The following MYH3 variants were observed in gnomAD, a reference collection of about 807,000 sequenced individuals.
The protein encoded by MYH3 is myosin heavy chain 3.
A neutral mutation model predicts 238.0 loss-of-function variants in MYH3; 130 were observed. The observed-to-expected ratio is 0.55, with a 90% CI of 0.47 to 0.63. The LOEUF is 0.63. Among genes scored for constraint, MYH3 ranks in the 30% least tolerant of loss-of-function variants. MYH3 has a pLI of 0.00. For missense variants in MYH3, 1,853 were observed against 2,374.9 expected (o/e 0.78, Z 4.57); for synonymous variants, 880 against 924.1 (o/e 0.95, Z 0.86).
rs1048019565 is a variant in MYH3, at chr17:10,635,004, G to A, written c.4192C>T (p.Leu1398Phe). 2 of 1,614,124 alleles carry A rather than the reference G, an allele frequency of 1.2e-6. No individual in the cohort carries two copies. Among genetic ancestry groups the A allele is most frequent in the Middle Eastern group, 1.6e-4 (1 of 6,062 alleles). ...EEAKKKLAQR[L>F]QDSEEQVEAV... ...TCAACCTGTTCCTCGGAATCTTGAAGGCGCTGAGCAAGTTTTTTCCTTAAA... is the reference window on the plus strand; with the variant it reads ...TCAACCTGTTCCTCGGAATCTTGAAAGCGCTGAGCAAGTTTTTTCCTTAAA... The change falls in exon 31 of 41, where the codon CTT becomes TTT. Residue 1398 changes from leucine to phenylalanine, a missense_variant. Physicochemically the swap from Leu to Phe is conservative, Grantham distance 22. This residue lies in a region of MYH3 where 1,044 missense variants were observed against 1,192.6 expected (regional missense o/e 0.88). Transcript: ENST00000583535.
At chr17:10,673,398 C>A in the MYH3 span, 4 of 152,204 alleles carry the variant, frequency 2.6e-5, no homozygotes, top group African/African-American at 4.8e-5. Context: ...TGATCCCGCA[C>A]GTTCCCGACA....
At chr17:10,657,201 C>T (rs1027687936) in intron 1 of MYH3, 88 bp downstream of exon 1, 1 of 152,498 alleles carries the variant, frequency 6.6e-6, no homozygotes, top group Non-Finnish European at 1.5e-5. Context: ...CCAGGCAGGG[C>T]CAGGGAACCA....
At position 10,644,620 on chromosome 17, in the gene MYH3, C is replaced by T; in HGVS notation, c.1224G>A (p.Gly408=). ...TTTGACCTTTGGTAACGTACTCATT[C>T]CCAACTTTCACTCTAGGAAAGCACA... The part of the protein sequence containing the change: ...KALCFPRVKV[G]NEYVTKGQTV... The change falls in exon 13 of 41, where the codon GGG becomes GGA. Residue 408 remains glycine, a synonymous_variant. Coordinates refer to ENST00000583535, the MANE Select transcript of MYH3 (RefSeq NM_002470.4). The T allele has an allele frequency of 6.2e-7, 1 of 1,614,166 alleles. No homozygotes were observed. The highest frequency in any genetic ancestry group is 8.5e-7 in the Non-Finnish European group (1 of 1,180,002).
Position 10,632,785 on chromosome 17 carries a change from C to A in MYH3, c.4648-1G>T, listed in dbSNP as rs1192877498. On this transcript the variant is annotated splice_acceptor_variant, in intron 33 of 40. Transcript: ENST00000583535. LOFTEE classifies it high-confidence loss of function. ...TGGCTTCTTCATGCTCAAGAGCAGC[C>A]TTTAAGAAACAAAAGCAAATCAAAT... 2 of 1,614,198 alleles carry A rather than the reference C, an allele frequency of 1.2e-6. No homozygotes were observed. The highest frequency in any genetic ancestry group is 1.7e-6 in the Non-Finnish European group (2 of 1,180,036).
At chr17:10,652,263 T>G in intron 4 of MYH3, 157 bp downstream of exon 4, 2 of 961,396 alleles carry the variant, frequency 2.1e-6, no homozygotes. Context: ...CACCTCTTGC[T>G]TTCTTGCCTT....
intron 6 of MYH3, among the ~76,000 whole-genome samples, 162 bp from the exon 7 acceptor site, chr17:10,649,847 C>T (rs1039049738): frequency 1.3e-5 from 2 of 152,242 alleles, no homozygotes; most frequent in African/African-American, 4.8e-5. Flanking sequence ...GCCCAGGGCA[C>T]AGGTGCCACA....
the MYH3 span, chr17:10,676,967 C>T: frequency 5.3e-5 from 8 of 152,126 alleles, no homozygotes; most frequent in Non-Finnish European, 8.8e-5. Context: ...TAGAAATAAC[C>T]GTCCATTTTG....
Position 10,654,855 on chromosome 17 carries a change from C to T in MYH3, c.204+6G>A. Reference sequence around the variant, plus strand: ...CCAGCAGCCTGTGGAGGGTACAGAGCCTTACCCTGTTGTCCTCAGTTTCCA... The same window carrying T: ...CCAGCAGCCTGTGGAGGGTACAGAGTCTTACCCTGTTGTCCTCAGTTTCCA... On this transcript the variant is annotated splice_donor_region_variant and intron_variant, in intron 3 of 40. Transcript: ENST00000583535. This position sits in a 1 kb window ranked among gnomAD's most constrained non-coding sequence, Gnocchi z 4.5. 1 of 1,613,762 alleles carries T rather than the reference C, an allele frequency of 6.2e-7. No homozygotes were observed. The highest frequency in any genetic ancestry group is 8.5e-7 in the Non-Finnish European group (1 of 1,179,654).
At position 10,629,610 on chromosome 17, in the gene MYH3, A is replaced by C; in HGVS notation, c.5783T>G (p.Phe1928Cys). The C allele has an allele frequency of 6.2e-7, 1 of 1,613,420 alleles. No homozygotes were observed. Among genetic ancestry groups the C allele is most frequent in the South Asian group, 1.1e-5 (1 of 91,048 alleles). The change falls in exon 40 of 41, where the codon TTC (phenylalanine) becomes TGC (cysteine). Residue 1928 changes from phenylalanine (F) to cysteine (C), a missense_variant. By Grantham distance (205) the Phe-to-Cys change is radical. Coordinates refer to ENST00000583535, the MANE Select transcript of MYH3 (RefSeq NM_002470.4). The stretch of plus-strand genomic sequence containing the variant: ...TCAGCGACTCACCCTGCTGGAGGTG[A>C]AGTCTCGAGTCTTAGCGCGGAGCTT... ...VNKLRAKTRD[F>C]TSSRMVVHES...
intron 12 of MYH3, 105 bp from the exon 13 acceptor site, chr17:10,644,807 T>C (rs1244172016): frequency 1.1e-6 from 1 of 876,166 alleles, no homozygotes; most frequent in Non-Finnish European, 1.9e-6. Flanking sequence ...CATTGTGCAT[T>C]CCCTGTGGCT....
In MYH3 at chr17:10,647,299, A is replaced by G; in HGVS notation, c.800-19T>C. ...AGAAGATCTGGAACACAAACACAGG[A>G]CTCTCTTTCAAACTGTTCCCAGTTA... On this transcript the variant is annotated intron_variant, in intron 9 of 40. Transcript: ENST00000583535. 6.2e-7 allele frequency: 1 copy of G among 1,613,528 alleles called. No homozygotes were observed. The highest frequency in any genetic ancestry group is 8.5e-7 in the Non-Finnish European group (1 of 1,179,514).
intron 14 of MYH3, among the ~76,000 whole-genome samples, chr17:10,644,003 T>C (rs960824969): frequency 6.6e-6 from 1 of 151,610 alleles, no homozygotes; most frequent in Non-Finnish European, 1.5e-5. Flanking sequence ...CTACTAAAAA[T>C]ACAAAAATTA....
chr17:10,666,995 T>C, the MYH3 span, among the ~76,000 whole-genome samples: 36 of 152,164 alleles, frequency 2.4e-4, no homozygotes, highest in African/African-American at 8.4e-4. Context: ...CCTTTCCCTA[T>C]TTAAGAAAAA....
intron 40 of MYH3, among the ~76,000 whole-genome samples, chr17:10,629,308 CTGAGAATGA>C (rs2074127214): frequency 6.6e-6 from 1 of 152,078 alleles, no homozygotes. Context: ...TGTTAGTTTG[CTGAGAATGA>C]TGGCTTCCAG....
intron 10 of MYH3, 108 bp from the exon 11 acceptor site, chr17:10,646,140 A>AAG (rs1438942641): frequency 1.2e-6 from 1 of 858,002 alleles, no homozygotes; most frequent in Non-Finnish European, 1.9e-6. Context: ...CTGGATCCTA[A>AAG]ATTGAACTTA....
In MYH3 at chr17:10,639,816, GAAT is replaced by G. The variant is rs767492049; in HGVS notation, c.2683-17_2683-15del. On this transcript the variant is annotated splice_polypyrimidine_tract_variant and intron_variant, in intron 22 of 40. Transcript: ENST00000583535. ...ATTTTCGCTTTCCTTAAAAAAAAAA[GAAT>G]AATAACTTCGTTGAATGATATAAGG... The G allele has an allele frequency of 2.8e-5, 45 of 1,610,702 alleles. No homozygotes were observed. The highest frequency in any genetic ancestry group is 1.4e-4 in the South Asian group (13 of 90,982).
intron 8 of MYH3, 122 bp downstream of exon 8, chr17:10,648,435 T>G: frequency 1.2e-6 from 1 of 843,558 alleles, no homozygotes; most frequent in South Asian, 1.3e-5. Flanking sequence ...TGAAATGGTC[T>G]TGTTGGGTTG....
At chr17:10,674,415 A>C in the MYH3 span, 1 of 285,586 alleles carries the variant, frequency 3.5e-6, no homozygotes, top group East Asian at 1.4e-4. Flanking sequence ...AACAAGAGCG[A>C]AACTCCATCT....
the MYH3 span, among the ~76,000 whole-genome samples, chr17:10,663,879 A>G: frequency 6.6e-6 from 1 of 152,018 alleles, no homozygotes. Flanking sequence ...CGTGACCAAC[A>G]TGGTGAAATG....
Sources: allele counts gnomAD v4.1 joint callset (sites outside exome capture counted in the v4.1 genomes callset), GRCh38; gene constraint gnomAD v4.1.1; regional missense constraint gnomAD v4.1.1; non-coding constraint Gnocchi (gnomAD v3.1); transcripts MANE v1.5; gene names NCBI Gene and HGNC (gene_info 2026-07-23, HGNC 2026-07-21).